Variants in NOS1 observed in about 807,000 individuals in gnomAD.
The protein encoded by NOS1 is nitric oxide synthase 1, also known as NOS type I.
A neutral mutation model predicts 164.5 loss-of-function variants in NOS1; 51 were observed. That is an observed-to-expected ratio of 0.31 (90% CI 0.25 to 0.39). The LOEUF (loss-of-function observed/expected upper bound fraction) is 0.39, where lower values mean the gene tolerates loss of function less well. Among genes scored for constraint, NOS1 ranks in the 10% least tolerant of loss-of-function variants. The pLI is 1.00. For missense variants in NOS1, 1,362 were observed against 1,885.6 expected (o/e 0.72, Z 5.14); for synonymous variants, 719 against 745.8 (o/e 0.96, Z 0.59).
At chr12:117,359,148 G>A (rs1357132615) in intron 1 of NOS1, among the ~76,000 whole-genome samples, 3 of 152,228 alleles carry the variant, frequency 2.0e-5, no homozygotes, top group Non-Finnish European at 2.9e-5. Flanking sequence ...TGGCAGAGCC[G>A]TGCGCCCCTC....
Position 117,243,548 on chromosome 12 carries a change from ACCAT to A in NOS1, c.2824-117_2824-114del, listed in dbSNP as rs34385734. ...ATTCACCCATCCATCCATCTATCCA[ACCAT>A]CCATCCATCCATCCATCCATCCATC... On this transcript the variant is annotated intron_variant, in intron 18 of 28. Coordinates refer to ENST00000317775, the MANE Select transcript of NOS1 (RefSeq NM_000620.5). The surrounding 1 kb of genome is among the most constrained non-coding windows in gnomAD (Gnocchi z 4.3). The A allele has an allele frequency of 5.7e-3, 3,366 of 587,864 alleles. 47 individuals carry two copies. The highest frequency in any genetic ancestry group is 0.038 in the East Asian group (1,217 of 31,646). The allele number at this position is 587,864 out of a possible 1,614,324, so 36.4% of individuals were successfully genotyped here.
intron 9 of NOS1, among the ~76,000 whole-genome samples, chr12:117,276,535 G>A (rs1312544098): frequency 3.3e-5 from 5 of 152,122 alleles, no homozygotes; most frequent in South Asian, 2.1e-4. Flanking sequence ...CTTCTGCTTC[G>A]GCCTCCCAAA....
intron 18 of NOS1, 52 bp downstream of exon 18, chr12:117,247,296 G>A (rs1191209644): frequency 7.0e-7 from 1 of 1,431,564 alleles, no homozygotes; most frequent in Middle Eastern, 1.8e-4. Flanking sequence ...TGCTGTCTTT[G>A]GGGGTGTGGG....
chr12:117,344,983 T>C (rs1876277895), intron 1 of NOS1, among the ~76,000 whole-genome samples: 1 of 151,590 alleles, frequency 6.6e-6, no homozygotes. Flanking sequence ...ACGCGGGCTA[T>C]TATGATTAAT....
intron 3 of NOS1, among the ~76,000 whole-genome samples, chr12:117,302,561 C>T: frequency 7.2e-6 from 1 of 139,390 alleles, no homozygotes; most frequent in East Asian, 2.2e-4. Context: ...GGCCACTGCA[C>T]TCCAGCCTGG....
In NOS1 at chr12:117,280,734, C is replaced by T; in HGVS notation, c.1515G>A (p.Gln505=). The part of the protein sequence containing the change: ...GSTLGDPANV[Q]FTEICIQQGW... ...GCGGAAACGCTCGCACCTCTGTGAA[C>T]TGCACATTGGCTGGGTCCCCCAGGG... The change falls in exon 8 of 29, where the codon CAG becomes CAA. Residue 505 remains glutamine, a synonymous_variant. Transcript: ENST00000317775. 6.2e-7 allele frequency: 1 copy of T among 1,614,036 alleles called. No homozygotes were observed.
chr12:117,351,593 A>C (rs1170881814), intron 1 of NOS1, among the ~76,000 whole-genome samples: 2 of 152,234 alleles, frequency 1.3e-5, no homozygotes, highest in African/African-American at 4.8e-5. Context: ...GAATATCAGA[A>C]GGAACCTGGA....
chr12:117,239,439 G>A (rs770035273), intron 20 of NOS1, among the ~76,000 whole-genome samples: 26 of 152,206 alleles, frequency 1.7e-4, no homozygotes, highest in Non-Finnish European at 3.2e-4. Context: ...TGTCTCTTCT[G>A]TGTCGTTTGC....
chr12:117,211,984 G>C lies in NOS1; in HGVS notation c.*3325C>G. ...GGAGGCCGAGGCAGAAGAATCACTT[G>C]AACTGGGGGAGGCAGAGGATGCAGT... On this transcript the variant is annotated 3_prime_UTR_variant, in exon 29 of 29. Transcript: ENST00000317775. The C allele has an allele frequency of 1.4e-6, 1 of 690,680 alleles. No individual in the cohort carries two copies. Among genetic ancestry groups the C allele is most frequent in the South Asian group, 6.5e-5 (1 of 15,398 alleles). The allele number at this position is 690,680 out of a possible 1,614,324, so 42.8% of individuals were successfully genotyped here.
intron 27 of NOS1, among the ~76,000 whole-genome samples, chr12:117,219,757 G>T (rs1048438367): frequency 2.0e-5 from 3 of 152,314 alleles, no homozygotes; most frequent in African/African-American, 7.2e-5. Context: ...ACTACATGGG[G>T]CAGTGCTGCA....
chr12:117,320,778 C>T (rs1874879814), intron 2 of NOS1, among the ~76,000 whole-genome samples: 1 of 152,168 alleles, frequency 6.6e-6, no homozygotes, highest in South Asian at 2.1e-4. Context: ...CACGTCCCAA[C>T]CCTGTTCCTG....
intron 2 of NOS1, among the ~76,000 whole-genome samples, chr12:117,323,381 A>C (rs1250968229): frequency 2.6e-5 from 4 of 152,218 alleles, no homozygotes; most frequent in Non-Finnish European, 2.9e-5. Context: ...GTCTTAAAAA[A>C]TGTGATGGCT....
intron 1 of NOS1, among the ~76,000 whole-genome samples, chr12:117,335,315 G>C (rs1028804973): frequency 1.3e-5 from 2 of 152,128 alleles, no homozygotes. Context: ...GACGGCTGCT[G>C]GATAGAATTG....
At chr12:117,256,500 A>G (rs1871466083) in intron 16 of NOS1, among the ~76,000 whole-genome samples, 5 of 150,386 alleles carry the variant, frequency 3.3e-5, no homozygotes, top group Admixed American at 3.3e-4. Context: ...CTGGTCTCGA[A>G]CTCCTGACCT....
intron 2 of NOS1, among the ~76,000 whole-genome samples, chr12:117,329,135 T>C (rs1875403430): frequency 6.6e-6 from 1 of 152,196 alleles, no homozygotes; most frequent in Admixed American, 6.5e-5. Context: ...ATGACCTCAT[T>C]ACATATTTAT....
At position 117,214,708 on chromosome 12, in the gene NOS1, G is replaced by C; in HGVS notation, c.*601C>G. 2.0e-6 allele frequency: 2 copies of C among 985,250 alleles called. No homozygotes were observed. Among genetic ancestry groups the C allele is most frequent in the Non-Finnish European group, 2.4e-6 (2 of 829,928 alleles). The allele number at this position is 985,250 out of a possible 1,614,324, so 61.0% of individuals were successfully genotyped here. ...TACATGGGCGTGGACCCTAATTATG[G>C]ACACACGAGGGATTAATATGGGCCA... is the stretch of plus-strand genomic sequence containing the variant. On this transcript the variant is annotated 3_prime_UTR_variant, in exon 29 of 29. Coordinates refer to ENST00000317775, the MANE Select transcript of NOS1 (RefSeq NM_000620.5).
Position 117,331,176 on chromosome 12 carries a change from C to T in NOS1, c.-107G>A, listed in dbSNP as rs1182101178. ...TTCAGGCTACACGGAGAGCAGGAGCCGGGGTGACAGGTGCTGACAAGGCTT... is the reference window on the plus strand; with the variant it reads ...TTCAGGCTACACGGAGAGCAGGAGCTGGGGTGACAGGTGCTGACAAGGCTT... On this transcript the variant is annotated 5_prime_UTR_variant, in exon 2 of 29. Coordinates refer to ENST00000317775, the MANE Select transcript of NOS1 (RefSeq NM_000620.5). The T allele has an allele frequency of 1.5e-5, 21 of 1,408,350 alleles. No homozygotes were observed. The highest frequency in any genetic ancestry group is 2.9e-5 in the African/African-American group (2 of 69,832). 87.2% of individuals were successfully genotyped at this position (1,408,350 alleles called of 1,614,324 possible). A position where few individuals can be genotyped will look rare whatever the true frequency, so the allele number is the denominator to read the frequency against.
chr12:117,297,219 G>A (rs1873475003), intron 3 of NOS1, among the ~76,000 whole-genome samples: 5 of 152,200 alleles, frequency 3.3e-5, no homozygotes, highest in Admixed American at 3.3e-4. Flanking sequence ...CCCATGAGGA[G>A]GATGGTGCAA....
At chr12:117,250,604 C>G (rs1871022786) in intron 17 of NOS1, among the ~76,000 whole-genome samples, 1 of 152,290 alleles carries the variant, frequency 6.6e-6, no homozygotes, top group Admixed American at 6.5e-5. Context: ...GCTGGGATTA[C>G]AGGCGTGAGC....
Sources: gnomAD v4.1 joint callset for allele counts (sites outside exome capture counted in the v4.1 genomes callset) on GRCh38, gnomAD v4.1.1 for gene constraint, Gnocchi (gnomAD v3.1) non-coding constraint, MANE v1.5 for transcripts, NCBI Gene and HGNC (gene_info 2026-07-23, HGNC 2026-07-21) for gene names.